Variants in TTBK2 observed in about 807,000 individuals in gnomAD.
The protein encoded by TTBK2 is tau-tubulin kinase 2.
A neutral mutation model predicts 110.8 loss-of-function variants in TTBK2; 28 were observed. The ratio of observed to expected loss-of-function variants is 0.25; its 90% CI spans 0.19 to 0.35. The LOEUF is 0.35. Ranked by LOEUF, TTBK2 falls within the 10% of genes least tolerant of loss-of-function variation. TTBK2 has a pLI of 1.00. For missense variants in TTBK2, 1,369 were observed against 1,500.3 expected, an observed-to-expected ratio of 0.91 and a Z score of 1.45; for synonymous variants, 532 against 527.3, an observed-to-expected ratio of 1.01 and a Z score of -0.12.
chr15:42,881,954 G>A (rs1895067083), intron 1 of TTBK2, among the ~76,000 whole-genome samples: 1 of 152,020 alleles, frequency 6.6e-6, no homozygotes, highest in African/African-American at 2.4e-5. Context: ...ATAGAAAAAT[G>A]GCAGTGTCAG....
Position 42,830,062 on chromosome 15 carries a change from T to C in TTBK2, c.308A>G (p.Asp103Gly). The C allele has an allele frequency of 6.2e-7, 1 of 1,614,144 alleles. No homozygotes were observed. The highest frequency in any genetic ancestry group is 1.1e-5 in the South Asian group (1 of 91,082). The change falls in exon 5 of 15, where the codon GAT becomes GGT. Residue 103 changes from aspartate to glycine, a missense_variant. Around this residue, in one of 4 missense-constraint regions of TTBK2, gnomAD observed 122 missense variants for 159.7 expected, o/e 0.76. Transcript: ENST00000267890. ...GCCTCGGGACTGGCTACGGCGAAGA[T>C]CTGCCAGATTCCGACCCTATGGAAA... ...VMQLQGRNLA[D>G]LRRSQSRGTF...
chr15:42,855,291 T>C (rs1893884610), intron 3 of TTBK2: 2 of 152,170 alleles, frequency 1.3e-5, no homozygotes, highest in South Asian at 4.1e-4. Flanking sequence ...TTAAAACCTA[T>C]TGAGAGAAGT....
At chr15:42,918,810 A>G (rs2031221734) in intron 1 of TTBK2, among the ~76,000 whole-genome samples, 1 of 152,238 alleles carries the variant, frequency 6.6e-6, no homozygotes, top group Non-Finnish European at 1.5e-5. Context: ...AAATCAAAAG[A>G]AGATACAACA....
At chr15:42,816,513 C>T (rs923606980) in intron 7 of TTBK2, among the ~76,000 whole-genome samples, 8 of 152,094 alleles carry the variant, frequency 5.3e-5, no homozygotes, top group Admixed American at 1.3e-4. Flanking sequence ...CTATTATCCA[C>T]GATACACTAT....
chr15:42,788,626 G>A (rs990242731), intron 10 of TTBK2, among the ~76,000 whole-genome samples: 1 of 152,062 alleles, frequency 6.6e-6, no homozygotes, highest in Non-Finnish European at 1.5e-5. Flanking sequence ...GTGGCATTTG[G>A]CATTAAAAAG....
intron 13 of TTBK2, among the ~76,000 whole-genome samples, chr15:42,755,966 C>G (rs1294267183): frequency 1.3e-5 from 2 of 152,086 alleles, no homozygotes; most frequent in Non-Finnish European, 2.9e-5. Context: ...GGGGCCGAGG[C>G]AGGCTGATCT....
chr15:42,896,127 G>C (rs1596034613), intron 1 of TTBK2, among the ~76,000 whole-genome samples: 1 of 151,752 alleles, frequency 6.6e-6, no homozygotes, highest in Non-Finnish European at 1.5e-5. Context: ...TGAGGAGTTC[G>C]AGACCACCCT....
intron 1 of TTBK2, among the ~76,000 whole-genome samples, chr15:42,901,496 T>C (rs2030004720): frequency 6.6e-6 from 1 of 151,302 alleles, no homozygotes; most frequent in Non-Finnish European, 1.5e-5. Flanking sequence ...AATTAAAAAC[T>C]TTTGGCCAGG....
At chr15:42,916,607 A>G (rs1213540775) in intron 1 of TTBK2, among the ~76,000 whole-genome samples, 1 of 152,226 alleles carries the variant, frequency 6.6e-6, no homozygotes, top group Non-Finnish European at 1.5e-5. Context: ...CTAGGATTAC[A>G]CGTGTGAGCC....
chr15:42,783,744 TAAAA>T, intron 10 of TTBK2, 109 bp from the exon 11 acceptor site: 7 of 678,800 alleles, frequency 1.0e-5, no homozygotes, highest in Non-Finnish European at 1.7e-5. Flanking sequence ...TTAAGAGAGT[TAAAA>T]AAAAAAAAAA....
intron 3 of TTBK2, among the ~76,000 whole-genome samples, chr15:42,851,373 G>C (rs900312101): frequency 6.6e-6 from 1 of 152,242 alleles, no homozygotes; most frequent in East Asian, 1.9e-4. Context: ...TCAGTGTTTT[G>C]TATGCCATGT....
Position 42,796,394 on chromosome 15 carries a change from G to A in TTBK2, c.823-1593C>T, listed in dbSNP as rs142714414. 1.3e-3 allele frequency among the ~76,000 whole-genome samples: 194 copies of A among 151,732 alleles called. 2 individuals carry two copies. Among genetic ancestry groups the A allele is most frequent in the African/African-American group, 4.1e-3 (169 of 41,394 alleles). On this transcript the variant is annotated intron_variant, in intron 9 of 14. Transcript: ENST00000267890. Reference sequence around the variant, plus strand: ...CAGCCTGGGTGACAGAGCGAGACTCGGGTCTCAAAAAAAAAGAGAGAGAGA... The same window carrying A: ...CAGCCTGGGTGACAGAGCGAGACTCAGGTCTCAAAAAAAAAGAGAGAGAGA...
At chr15:42,879,385 T>C (rs1267892146) in intron 1 of TTBK2, among the ~76,000 whole-genome samples, 3 of 152,076 alleles carry the variant, frequency 2.0e-5, no homozygotes, top group Non-Finnish European at 4.4e-5. Flanking sequence ...AAATGTTGAG[T>C]ATATTTAAGT....
rs138642765 is a variant in TTBK2 at position 42,849,694 on chromosome 15, C to G, written c.218-9261G>C. On this transcript the variant is annotated intron_variant, in intron 3 of 14. Transcript: ENST00000267890. ...TCTAATGTCAATTCAGTTTTCAAAG[C>G]CTTTGCAGTTATATTTAATGTGTTC... Among the ~76,000 whole-genome samples the G allele has an allele frequency of 3.2e-4, 49 of 152,222 alleles. 1 individual carries two copies. The East Asian group carries it at 8.5e-3, about 26-fold the overall frequency.
At chr15:42,824,432 G>A (rs1323688829) in intron 6 of TTBK2, among the ~76,000 whole-genome samples, 1 of 152,108 alleles carries the variant, frequency 6.6e-6, no homozygotes, top group Non-Finnish European at 1.5e-5. Context: ...TATTATCACT[G>A]GAGGAAGCTG....
chr15:42,865,523 A>AAAAAC (rs1555432816), intron 3 of TTBK2, among the ~76,000 whole-genome samples: 1 of 150,116 alleles, frequency 6.7e-6, no homozygotes, highest in African/African-American at 2.5e-5. Context: ...TAAAAAAAAA[A>AAAAAC]AAAAAACCAA....
At chr15:42,889,876 C>T (rs1192540797) in intron 1 of TTBK2, among the ~76,000 whole-genome samples, 1 of 152,144 alleles carries the variant, frequency 6.6e-6, no homozygotes, top group African/African-American at 2.4e-5. Flanking sequence ...CCCATTATCT[C>T]TCCATACCAC....
chr15:42,830,045 A>G lies in TTBK2; in HGVS notation c.325T>C (p.Ser109Pro). 1 of 1,614,184 alleles carries G rather than the reference A, an allele frequency of 6.2e-7. No homozygotes were observed. Among genetic ancestry groups the G allele is most frequent in the Non-Finnish European group, 8.5e-7 (1 of 1,180,030 alleles). ...GTACTAATGGTGAATGTGCCTCGGG[A>G]CTGGCTACGGCGAAGATCTGCCAGA... ...RNLADLRRSQ[S>P]RGTFTISTTL... Residue 109 changes from serine to proline, a missense_variant, in exon 5 of 15, where the codon TCC (serine) becomes CCC (proline). By Grantham distance (74) the Ser-to-Pro change is moderately conservative. This residue lies in a region of TTBK2 where 122 missense variants were observed against 159.7 expected (regional missense o/e 0.76). Transcript: ENST00000267890.
At chr15:42,812,519 T>A (rs181660706) in intron 7 of TTBK2, among the ~76,000 whole-genome samples, 7 of 152,280 alleles carry the variant, frequency 4.6e-5, no homozygotes, top group Admixed American at 2.6e-4. Context: ...GAAGCAAATT[T>A]ATCCTCTCAG....
Sources: allele counts gnomAD v4.1 joint callset (sites outside exome capture counted in the v4.1 genomes callset), GRCh38; gene constraint gnomAD v4.1.1; regional missense constraint gnomAD v4.1.1; transcripts MANE v1.5; gene names NCBI Gene and HGNC (gene_info 2026-07-23, HGNC 2026-07-21).